The following ALDH1A1 variants were observed in gnomAD, a reference collection of about 807,000 sequenced individuals.
ALDH1A1 encodes aldehyde dehydrogenase 1 family member A1, also known as aldehyde dehydrogenase 1A1.
Under a neutral mutation model 62.1 loss-of-function variants are expected in ALDH1A1, and 19 were observed. That is an observed-to-expected ratio of 0.31 (90% CI 0.21 to 0.45). The LOEUF is 0.45. ALDH1A1 is among the 20% of genes least tolerant of loss of function. ALDH1A1 has a pLI of 1.00. For synonymous variants in ALDH1A1, 231 were observed against 215.9 expected (o/e 1.07, Z -0.61); for missense variants, 521 against 607.1 (o/e 0.86, Z 1.49).
At chr9:72,918,637 T>G (rs1284041276) in intron 8 of ALDH1A1, 83 bp downstream of exon 8, 3 of 131,134 alleles carry the variant, frequency 2.3e-5, no homozygotes, top group Non-Finnish European at 4.4e-5. Flanking sequence ...TTTTTTTTTT[T>G]GTAAAGTTCA....
At chr9:72,930,063 T>A (rs534578928) in intron 3 of ALDH1A1, among the ~76,000 whole-genome samples, 93 of 152,358 alleles carry the variant, frequency 6.1e-4, no homozygotes, top group South Asian at 1.2e-3. Flanking sequence ...TAATGTTGAT[T>A]TTTTAAAAAT....
chr9:72,952,284 C>T (rs1175071443), intron 1 of ALDH1A1, among the ~76,000 whole-genome samples: 1 of 151,898 alleles, frequency 6.6e-6, no homozygotes, highest in Non-Finnish European at 1.5e-5. Context: ...CCCCCAGCTG[C>T]GGATTTTAAA....
At chr9:72,946,679 G>A (rs1295956380) in intron 1 of ALDH1A1, among the ~76,000 whole-genome samples, 1 of 151,854 alleles carries the variant, frequency 6.6e-6, no homozygotes, top group Admixed American at 6.6e-5. Flanking sequence ...CTTACACTTT[G>A]TAAACATATA....
chr9:72,939,101 G>A (rs558467551), intron 2 of ALDH1A1, among the ~76,000 whole-genome samples: 85 of 152,236 alleles, frequency 5.6e-4, no homozygotes, highest in African/African-American at 1.9e-3. Context: ...CTAGGCACAG[G>A]TTATAGTGTC....
At chr9:72,933,984 TG>T (rs1180343662) in intron 2 of ALDH1A1, among the ~76,000 whole-genome samples, 23 of 152,082 alleles carry the variant, frequency 1.5e-4, no homozygotes, top group African/African-American at 5.6e-4. Flanking sequence ...TTAGTAAAGA[TG>T]AGGTCTTGCT....
intron 1 of ALDH1A1, among the ~76,000 whole-genome samples, chr9:72,952,558 G>T (rs1348752450): frequency 6.6e-6 from 1 of 151,788 alleles, no homozygotes; most frequent in Non-Finnish European, 1.5e-5. Context: ...GCTTTCTATT[G>T]TTCCTACTCG....
chr9:72,917,840 A>G (rs1457569099), intron 8 of ALDH1A1, among the ~76,000 whole-genome samples: 1 of 152,228 alleles, frequency 6.6e-6, no homozygotes. Context: ...ATTCAATTCA[A>G]TGTTATAGCA....
intron 2 of ALDH1A1, among the ~76,000 whole-genome samples, chr9:72,935,515 A>T (rs1178446121): frequency 5.9e-5 from 9 of 152,222 alleles, no homozygotes; most frequent in Admixed American, 5.9e-4. Context: ...TAGTTATCAG[A>T]CCAGTTTTAC....
chr9:72,924,700 T>C (rs1830182853), intron 6 of ALDH1A1, among the ~76,000 whole-genome samples: 1 of 152,232 alleles, frequency 6.6e-6, no homozygotes. Context: ...GGAACTGAGT[T>C]GGGCACATTA....
intron 12 of ALDH1A1, among the ~76,000 whole-genome samples, chr9:72,905,595 C>T (rs1829868569): frequency 6.6e-6 from 1 of 152,070 alleles, no homozygotes; most frequent in Admixed American, 6.5e-5. Context: ...TTTACATTTG[C>T]ACCTTTCTTG....
chr9:72,931,264 A>T (rs934734240), intron 2 of ALDH1A1, among the ~76,000 whole-genome samples: 14 of 152,222 alleles, frequency 9.2e-5, no homozygotes, highest in Non-Finnish European at 2.1e-4. Context: ...TAAGTGTTTT[A>T]TGATTTTAAT....
At chr9:72,933,501 C>T (rs1411525571) in intron 2 of ALDH1A1, among the ~76,000 whole-genome samples, 5 of 147,682 alleles carry the variant, frequency 3.4e-5, no homozygotes, top group African/African-American at 1.0e-4. Flanking sequence ...GTGGGAGGAT[C>T]GTTTGAACCT....
chr9:72,938,363 T>C (rs1173956816), intron 2 of ALDH1A1, among the ~76,000 whole-genome samples: 1 of 152,156 alleles, frequency 6.6e-6, no homozygotes, highest in Non-Finnish European at 1.5e-5. Context: ...AACACTTACG[T>C]GTTCAGAAAA....
At chr9:72,948,809 A>G (rs547663153) in intron 1 of ALDH1A1, among the ~76,000 whole-genome samples, 9 of 152,010 alleles carry the variant, frequency 5.9e-5, no homozygotes, top group South Asian at 4.1e-4. Flanking sequence ...TAGGGCACTC[A>G]TTCAAGGCCT....
At chr9:72,920,220 T>TA (rs1316518051) in intron 7 of ALDH1A1, among the ~76,000 whole-genome samples, 1 of 152,204 alleles carries the variant, frequency 6.6e-6, no homozygotes, top group Non-Finnish European at 1.5e-5. Flanking sequence ...AGGGCATTAA[T>TA]ATGCTAATGT....
chr9:72,902,458 G>C (rs1057101017), intron 12 of ALDH1A1, among the ~76,000 whole-genome samples: 2 of 151,802 alleles, frequency 1.3e-5, no homozygotes, highest in African/African-American at 4.8e-5. Context: ...TTATTTTCTT[G>C]GGCAATTAAG....
chr9:72,909,647 T>A lies in ALDH1A1; in HGVS notation c.1313A>T (p.Asp438Val), dbSNP rs1375458959. The change falls in exon 11 of 13, where the codon GAT becomes GTT. Residue 438 changes from aspartate to valine, a missense_variant. Asp to Val is a radical substitution (Grantham distance 152). Coordinates refer to ENST00000297785, the MANE Select transcript of ALDH1A1 (RefSeq NM_000689.5). ...LSAGVFTKDIDKAITISSALQ... is the reference protein window; with the variant it reads ...LSAGVFTKDIVKAITISSALQ... The stretch of plus-strand genomic sequence containing the variant: ...AGCAGAGGAGATTGTTATGGCTTTA[T>A]CAATGTCTTTGGTAAACACTCCTGC... The A allele has an allele frequency of 1.2e-6, 2 of 1,614,082 alleles. No individual in the cohort carries two copies. The highest frequency in any genetic ancestry group is 3.3e-5 in the Admixed American group (2 of 60,002).
intron 10 of ALDH1A1, among the ~76,000 whole-genome samples, chr9:72,911,537 T>C (rs568717311): frequency 9.2e-5 from 14 of 152,156 alleles, no homozygotes; most frequent in Non-Finnish European, 2.1e-4. Context: ...AAGCCCCTGG[T>C]AACCACCATT....
Position 72,916,993 on chromosome 9 carries a change from C to G in ALDH1A1, c.962G>C (p.Arg321Pro). The G allele has an allele frequency of 3.1e-6, 5 of 1,613,874 alleles. No homozygotes were observed. Among genetic ancestry groups the G allele is most frequent in the Non-Finnish European group, 4.2e-6 (5 of 1,179,858 alleles). ...CTTCTTAGCCCGCTCAACACTCCTT[C>G]GAACAAACTCATCATAAATTGATTC... ...VEESIYDEFV[R>P]RSVERAKKYI... The change falls in exon 9 of 13, where the codon CGA (arginine) becomes CCA (proline). Residue 321 changes from arginine (R) to proline (P), a missense_variant. By Grantham distance (103) the Arg-to-Pro change is moderately radical. Coordinates refer to ENST00000297785, the MANE Select transcript of ALDH1A1 (RefSeq NM_000689.5).
Sources: gnomAD v4.1 joint callset for allele counts (sites outside exome capture counted in the v4.1 genomes callset) on GRCh38, gnomAD v4.1.1 for gene constraint, MANE v1.5 for transcripts, NCBI Gene and HGNC (gene_info 2026-07-23, HGNC 2026-07-21) for gene names.